SAMSN1: variants seen among roughly 807,000 people sequenced by gnomAD.
The protein encoded by SAMSN1 is SAM domain-containing protein SAMSN-1.
Under a neutral mutation model 42.0 loss-of-function variants are expected in SAMSN1, and 31 were observed. The ratio of observed to expected loss-of-function variants is 0.74; its 90% CI spans 0.55 to 1.00. The LOEUF is 1.00. SAMSN1 is among the 50% of genes least tolerant of loss of function. SAMSN1 has a pLI of 0.00. For missense variants in SAMSN1, 464 were observed against 439.4 expected (o/e 1.06, Z -0.50); for synonymous variants, 178 against 151.9 (o/e 1.17, Z -1.26).
At chr21:14,557,823 C>G (rs1038591123) in intron 2 of SAMSN1, among the ~76,000 whole-genome samples, 2 of 152,182 alleles carry the variant, frequency 1.3e-5, no homozygotes, top group Non-Finnish European at 2.9e-5. Context: ...CCAGTCAGTT[C>G]TTACCTGTCC....
intron 2 of SAMSN1, among the ~76,000 whole-genome samples, chr21:14,631,951 A>G (rs1983341673): frequency 6.6e-6 from 1 of 152,132 alleles, no homozygotes; most frequent in African/African-American, 2.4e-5. Flanking sequence ...AGGAAGAAGG[A>G]AGGAAGGAAG....
At chr21:14,596,042 T>C (rs372611871) in intron 6 of SAMSN1, among the ~76,000 whole-genome samples, 10 of 152,318 alleles carry the variant, frequency 6.6e-5, no homozygotes, top group African/African-American at 2.4e-4. Flanking sequence ...AAATTATTTG[T>C]TAGAATCAAG....
At chr21:14,571,188 A>G (rs902863713) in intron 2 of SAMSN1, among the ~76,000 whole-genome samples, 2 of 152,178 alleles carry the variant, frequency 1.3e-5, no homozygotes, top group Admixed American at 1.3e-4. Context: ...TTTGTTTCTA[A>G]TTAGACTATA....
intron 6 of SAMSN1, among the ~76,000 whole-genome samples, chr21:14,599,149 A>G (rs1441136397): frequency 1.3e-5 from 2 of 152,126 alleles, no homozygotes; most frequent in African/African-American, 4.8e-5. Context: ...TTGACCCTCA[A>G]TATTGGATGT....
intron 1 of SAMSN1, among the ~76,000 whole-genome samples, chr21:14,523,043 G>T (rs1403917698): frequency 3.3e-5 from 5 of 152,102 alleles, no homozygotes; most frequent in Non-Finnish European, 7.4e-5. Context: ...AGTGACCCTG[G>T]TCAGGAACTG....
chr21:14,602,460 A>G (rs879367742), intron 5 of SAMSN1, among the ~76,000 whole-genome samples: 1 of 152,140 alleles, frequency 6.6e-6, no homozygotes, highest in Non-Finnish European at 1.5e-5. Flanking sequence ...ACCTGTTTCT[A>G]TTAAACTAAG....
At chr21:14,598,958 A>G (rs1270260679) in intron 6 of SAMSN1, among the ~76,000 whole-genome samples, 1 of 152,186 alleles carries the variant, frequency 6.6e-6, no homozygotes, top group African/African-American at 2.4e-5. Flanking sequence ...ATGAATTTAT[A>G]TCATCTTCAT....
chr21:14,605,917 C>T (rs900265096), intron 5 of SAMSN1, among the ~76,000 whole-genome samples: 1 of 151,780 alleles, frequency 6.6e-6, no homozygotes, highest in Non-Finnish European at 1.5e-5. Flanking sequence ...TCTGGGTTCA[C>T]TGCAAGCTCC....
intron 1 of SAMSN1, chr21:14,658,622 A>G: frequency 1.6e-6 from 1 of 620,896 alleles, no homozygotes; most frequent in South Asian, 1.9e-5. Flanking sequence ...TTGTGATGTG[A>G]ACTTTCTGAG....
At chr21:14,563,407 TA>T (rs1981009087) in intron 2 of SAMSN1, among the ~76,000 whole-genome samples, 1 of 152,224 alleles carries the variant, frequency 6.6e-6, no homozygotes, top group Admixed American at 6.5e-5. Context: ...ATGATATTAT[TA>T]AATTAAGACT....
At chr21:14,560,354 T>C (rs1980905770) in intron 2 of SAMSN1, among the ~76,000 whole-genome samples, 1 of 152,194 alleles carries the variant, frequency 6.6e-6, no homozygotes, top group Non-Finnish European at 1.5e-5. Flanking sequence ...CTGACATAGC[T>C]GACTCCATCT....
At chr21:14,629,023 G>A (rs1445733476) in intron 2 of SAMSN1, among the ~76,000 whole-genome samples, 1 of 152,084 alleles carries the variant, frequency 6.6e-6, no homozygotes, top group Non-Finnish European at 1.5e-5. Flanking sequence ...TGTGCGTGGT[G>A]TCTTCACTAC....
At position 14,625,519 on chromosome 21, in the gene SAMSN1, C is replaced by A. The variant is rs184501882; in HGVS notation, c.157-9503G>T. Among the ~76,000 whole-genome samples, 438 of 152,232 alleles carry A rather than the reference C, an allele frequency of 2.9e-3. 5 individuals are homozygous for A. Among genetic ancestry groups the A allele is most frequent in the African/African-American group, 9.8e-3 (407 of 41,530 alleles). ...AGAGAGCCAAATCATGAGTGAACTCCCATTCACAATTGCTTCAAAGAGAAC... is the reference window on the plus strand; with the variant it reads ...AGAGAGCCAAATCATGAGTGAACTCACATTCACAATTGCTTCAAAGAGAAC... On this transcript the variant is annotated intron_variant, in intron 2 of 15. Coordinates refer to the SAMSN1 transcript ENST00000647101.
At chr21:14,558,484 G>C (rs1423165314) in intron 2 of SAMSN1, among the ~76,000 whole-genome samples, 1 of 152,070 alleles carries the variant, frequency 6.6e-6, no homozygotes, top group Non-Finnish European at 1.5e-5. Context: ...TTCCAGAGCA[G>C]CCTGGGCAAC....
At chr21:14,587,995 T>C (rs1343515134), upstream of SAMSN1, among the ~76,000 whole-genome samples, 1 of 136,670 alleles carries the variant, frequency 7.3e-6, no homozygotes, top group Non-Finnish European at 1.6e-5. Flanking sequence ...GAATATGCGG[T>C]GTTTGGTTTT....
chr21:14,509,956 G>A (rs1374777693), intron 5 of SAMSN1, among the ~76,000 whole-genome samples: 1 of 151,950 alleles, frequency 6.6e-6, no homozygotes, highest in Non-Finnish European at 1.5e-5. Flanking sequence ...TGGCTAACAC[G>A]GTGAAACCCT....
intron 7 of SAMSN1, among the ~76,000 whole-genome samples, chr21:14,488,524 C>T (rs959890787): frequency 6.6e-6 from 1 of 152,100 alleles, no homozygotes; most frequent in Non-Finnish European, 1.5e-5. Context: ...TCTGTGCATT[C>T]ACCTCAATGG....
At chr21:14,577,238 G>GTATATATATATA (rs767931839) in intron 2 of SAMSN1, among the ~76,000 whole-genome samples, 22 of 28,182 alleles carry the variant, frequency 7.8e-4, no homozygotes, top group Non-Finnish European at 1.2e-3. Context: ...ATATATGTGT[G>GTATATATATATA]TATATATATA....
At chr21:14,528,807 T>G (rs187072026) in intron 1 of SAMSN1, among the ~76,000 whole-genome samples, 1 of 152,338 alleles carries the variant, frequency 6.6e-6, no homozygotes, top group East Asian at 1.9e-4. Context: ...CATCTCATTC[T>G]TCTTTCCAAA....
Sources: gnomAD v4.1 joint callset for allele counts (sites outside exome capture counted in the v4.1 genomes callset) on GRCh38, gnomAD v4.1.1 for gene constraint, MANE v1.5 for transcripts, NCBI Gene and HGNC (gene_info 2026-07-23, HGNC 2026-07-21) for gene names.